Variants in TIAM1 observed in about 807,000 individuals in gnomAD.
The protein encoded by TIAM1 is rho guanine nucleotide exchange factor TIAM1.
Under a neutral mutation model 163.5 loss-of-function variants are expected in TIAM1, and 65 were observed. The ratio of observed to expected loss-of-function variants is 0.40; its 90% CI spans 0.33 to 0.49. The LOEUF is 0.49. Ranked by LOEUF, TIAM1 falls within the 20% of genes least tolerant of loss-of-function variation. The pLI, the probability that TIAM1 is intolerant of heterozygous loss-of-function variation, is 0.77. For missense variants in TIAM1, 1,789 were observed against 2,044.7 expected, an observed-to-expected ratio of 0.87 and a Z score of 2.41; for synonymous variants, 833 against 810.1, an observed-to-expected ratio of 1.03 and a Z score of -0.48.
chr21:31,288,543 C>T (rs574149576), intron 2 of TIAM1, among the ~76,000 whole-genome samples: 2 of 152,120 alleles, frequency 1.3e-5, no homozygotes, highest in African/African-American at 4.8e-5. Context: ...GACCTAATCA[C>T]GTCCTAAAGG....
At chr21:31,469,630 C>T (rs2045665057) in intron 1 of TIAM1, among the ~76,000 whole-genome samples, 1 of 151,986 alleles carries the variant, frequency 6.6e-6, no homozygotes, top group African/African-American at 2.4e-5. Context: ...AGATGGAGAC[C>T]ATCCTGGCTA....
intron 2 of TIAM1, among the ~76,000 whole-genome samples, chr21:31,411,360 C>A (rs2077354633): frequency 6.6e-6 from 1 of 151,752 alleles, no homozygotes; most frequent in Non-Finnish European, 1.5e-5. Context: ...AAGAGGCCAG[C>A]AAAGAAGTAT....
chr21:31,127,242 G>T, intron 25 of TIAM1, 90 bp from the exon 26 acceptor site: 2 of 1,138,370 alleles, frequency 1.8e-6, no homozygotes, highest in Non-Finnish European at 1.3e-6. Flanking sequence ...TGTGATAGAG[G>T]ATTAATAATG....
At chr21:31,530,941 T>G (rs2047949094) in intron 1 of TIAM1, among the ~76,000 whole-genome samples, 2 of 152,128 alleles carry the variant, frequency 1.3e-5, no homozygotes, top group South Asian at 4.1e-4. Context: ...TGAACAGTCC[T>G]GGCTCCAAGT....
At chr21:31,218,490 A>C (rs931588395) in intron 8 of TIAM1, among the ~76,000 whole-genome samples, 2 of 150,546 alleles carry the variant, frequency 1.3e-5, no homozygotes, top group Non-Finnish European at 3.0e-5. Flanking sequence ...AATTGCTTGA[A>C]CCCAGGAGAT....
chr21:31,339,138 A>C (rs768833172), intron 2 of TIAM1, 105 bp downstream of exon 2: 73 of 391,288 alleles, frequency 1.9e-4, no homozygotes, highest in Non-Finnish European at 3.0e-4. Flanking sequence ...CAAACAATGA[A>C]CTTTCTATTG....
rs1440228882 is a variant in TIAM1, at chr21:31,141,624, G to A, written c.3476-120C>T. The A allele has an allele frequency of 1.7e-6, 2 of 1,154,500 alleles. No homozygotes were observed. Among genetic ancestry groups the A allele is most frequent in the Middle Eastern group, 3.0e-4 (1 of 3,366 alleles). The allele number at this position is 1,154,500 out of a possible 1,614,324, so 71.5% of individuals were successfully genotyped here. ...TTTTGCAGGACTGAGCAGAGAGTGGGTGGCAGGAAGAGGGACAGGTAGGGG... is the reference window on the plus strand; with the variant it reads ...TTTTGCAGGACTGAGCAGAGAGTGGATGGCAGGAAGAGGGACAGGTAGGGG... On this transcript the variant is annotated intron_variant, in intron 20 of 27. Coordinates refer to ENST00000541036, the MANE Select transcript of TIAM1 (RefSeq NM_001353694.2). This position sits in a 1 kb window ranked among gnomAD's most constrained non-coding sequence, Gnocchi z 4.7.
At chr21:31,189,044 C>CTTTTTTTTTTTTTT (rs58786753) in intron 13 of TIAM1, among the ~76,000 whole-genome samples, 3 of 70,070 alleles carry the variant, frequency 4.3e-5, no homozygotes, top group Admixed American at 2.4e-4. Flanking sequence ...TCCATTCCCT[C>CTTTTTTTTTTTTTT]TTTTTTTTTT....
At chr21:31,540,175 C>T (rs1194453125) in intron 1 of TIAM1, among the ~76,000 whole-genome samples, 4 of 151,368 alleles carry the variant, frequency 2.6e-5, no homozygotes, top group Non-Finnish European at 5.9e-5. Flanking sequence ...TACTGGAGGT[C>T]GGGAGTTCAA....
chr21:31,202,036 T>G (rs1011814785), intron 12 of TIAM1, among the ~76,000 whole-genome samples: 1 of 152,148 alleles, frequency 6.6e-6, no homozygotes, highest in African/African-American at 2.4e-5. Context: ...GCAGGTCTGA[T>G]TCAGAACCCC....
intron 2 of TIAM1, among the ~76,000 whole-genome samples, chr21:31,303,701 G>A (rs1426440545): frequency 6.6e-6 from 1 of 152,100 alleles, no homozygotes; most frequent in African/African-American, 2.4e-5. Flanking sequence ...AAAGTGGTCG[G>A]GCATGGTGGC....
rs369912853 is a variant in TIAM1 at position 31,267,976 on chromosome 21, A to G, written c.-11-993T>C. Among the ~76,000 whole-genome samples, 10 of 152,320 alleles carry G rather than the reference A, an allele frequency of 6.6e-5. No individual in the cohort carries two copies. The East Asian group carries it at 1.2e-3, about 18-fold the overall frequency. On this transcript the variant is annotated intron_variant, in intron 3 of 27. Coordinates refer to ENST00000541036, the MANE Select transcript of TIAM1 (RefSeq NM_001353694.2). ...CCGATGACACAATTCTGTTACCCAC[A>G]GTGGGAAAGAGAAAAATCTTCAAAG... is the stretch of plus-strand genomic sequence containing the variant.
intron 12 of TIAM1, among the ~76,000 whole-genome samples, chr21:31,200,029 A>G (rs1007788031): frequency 3.3e-5 from 5 of 152,090 alleles, no homozygotes; most frequent in African/African-American, 9.7e-5. Flanking sequence ...GGCTTTGAAC[A>G]TTCCCTGACA....
chr21:31,210,444 C>G (rs1312527781), intron 10 of TIAM1, among the ~76,000 whole-genome samples: 1 of 150,044 alleles, frequency 6.7e-6, no homozygotes, highest in Admixed American at 6.7e-5. Flanking sequence ...GCTTCACAAC[C>G]CACAGCATCC....
chr21:31,356,104 G>T (rs539888386), intron 2 of TIAM1, among the ~76,000 whole-genome samples: 3 of 151,916 alleles, frequency 2.0e-5, no homozygotes, highest in Non-Finnish European at 4.4e-5. Context: ...AACCACCCAG[G>T]TCTGAGGTCT....
chr21:31,520,054 G>A (rs368150581), intron 1 of TIAM1, among the ~76,000 whole-genome samples: 18 of 152,298 alleles, frequency 1.2e-4, no homozygotes, highest in East Asian at 1.2e-3. Context: ...AAAATGGGCC[G>A]GGCGCGGTGG....
At chr21:31,184,192 G>GCCT (rs941036637) in intron 14 of TIAM1, among the ~76,000 whole-genome samples, 4 of 151,878 alleles carry the variant, frequency 2.6e-5, no homozygotes, top group Non-Finnish European at 5.9e-5. Flanking sequence ...TGCAACCTCT[G>GCCT]CCTCCCCGGT....
At chr21:31,191,828 C>T (rs1200323204) in intron 13 of TIAM1, among the ~76,000 whole-genome samples, 3 of 152,118 alleles carry the variant, frequency 2.0e-5, no homozygotes, top group African/African-American at 4.8e-5. Flanking sequence ...AGTTTCATGC[C>T]CAGTTCCAAT....
intron 1 of TIAM1, among the ~76,000 whole-genome samples, chr21:31,509,465 G>C (rs1354946342): frequency 6.6e-6 from 1 of 152,138 alleles, no homozygotes; most frequent in East Asian, 1.9e-4. Flanking sequence ...CCCGCTCCTC[G>C]GGCACCCAAC....
Sources: gnomAD v4.1 joint callset for allele counts (sites outside exome capture counted in the v4.1 genomes callset) on GRCh38, gnomAD v4.1.1 for gene constraint, Gnocchi (gnomAD v3.1) non-coding constraint, MANE v1.5 for transcripts, NCBI Gene and HGNC (gene_info 2026-07-23, HGNC 2026-07-21) for gene names.